POFUT2: variants seen among roughly 807,000 people sequenced by gnomAD.
The protein encoded by POFUT2 is GDP-fucose protein O-fucosyltransferase 2.
In POFUT2, 30 loss-of-function variants were observed where a neutral mutation model predicts 55.0. The observed-to-expected ratio is 0.55, with a 90% confidence interval of 0.41 to 0.74. POFUT2 has a LOEUF of 0.74. POFUT2 is among the 30% of genes least tolerant of loss of function. The pLI, the probability that POFUT2 is intolerant of heterozygous loss-of-function variation, is 0.00. For synonymous variants in POFUT2, 267 were observed against 231.1 expected (o/e 1.16, Z -1.41); for missense variants, 524 against 562.6 (o/e 0.93, Z 0.69).
rs930693090 is a variant in POFUT2, at chr21:45,277,303, G to T, written c.706-161C>A. 8 of 897,956 alleles carry T rather than the reference G, an allele frequency of 8.9e-6. No individual in the cohort carries two copies. Among genetic ancestry groups the T allele is most frequent in the African/African-American group, 1.7e-5 (1 of 59,622 alleles). 55.6% of individuals were successfully genotyped at this position (897,956 alleles called of 1,614,324 possible). On this transcript the variant is annotated intron_variant, in intron 5 of 8. Transcript: ENST00000349485. The surrounding 1 kb of genome is among the most constrained non-coding windows in gnomAD (Gnocchi z 6.9). ...CTGAGAAGCAGCGCCATCCACGGTGGAGGCTCTTGGAGGGTCTCCTGCATG... is the reference window on the plus strand; with the variant it reads ...CTGAGAAGCAGCGCCATCCACGGTGTAGGCTCTTGGAGGGTCTCCTGCATG...
chr21:45,274,543 C>T (rs930032029), intron 6 of POFUT2, among the ~76,000 whole-genome samples: 4 of 152,126 alleles, frequency 2.6e-5, no homozygotes, highest in African/African-American at 9.7e-5. Context: ...TGGAAGTACA[C>T]AATACTCAAC....
At position 45,265,341 on chromosome 21, in the gene POFUT2, G is replaced by GCCTCTTCTGGGCCTGGGA. The variant is rs2093143569; in HGVS notation, c.*123_*140dup. 5.9e-6 allele frequency: 4 copies of GCCTCTTCTGGGCCTGGGA among 674,448 alleles called. No individual in the cohort carries two copies. The South Asian group carries it at 8.6e-5, about 15-fold the overall frequency. 41.8% of individuals were successfully genotyped at this position (674,448 alleles called of 1,614,324 possible). A position where few individuals can be genotyped will look rare whatever the true frequency, so the allele number is the denominator to read the frequency against. On this transcript the variant is annotated 3_prime_UTR_variant, in exon 9 of 9. Transcript: ENST00000349485. The surrounding 1 kb of genome is among the most constrained non-coding windows in gnomAD (Gnocchi z 4.6). ...CGGAGCCCAGCTCTAGAGGCGTGGG[G>GCCTCTTCTGGGCCTGGGA]CCTCTTCTGGGCCTGGGACCCTGCG...
rs1329294415 is a variant in POFUT2 at position 45,285,683 on chromosome 21, A to T, written c.377T>A (p.Ile126Asn). Residue 126 changes from isoleucine (I) to asparagine (N), a missense_variant, in exon 2 of 9, where the codon ATC (isoleucine) becomes AAC (asparagine). Coordinates refer to ENST00000349485, the MANE Select transcript of POFUT2 (RefSeq NM_133635.6). The surrounding 1 kb of genome is among the most constrained non-coding windows in gnomAD (Gnocchi z 4.9). ...AGCGTGCCGCTCGGCCTCACCTGCGATGAACTGCTCATACTCGATGACGGG... is the reference window on the plus strand; with the variant it reads ...AGCGTGCCGCTCGGCCTCACCTGCGTTGAACTGCTCATACTCGATGACGGG... ...NIPVIEYEQF[I>N]AESGGPFIDQ... The T allele has an allele frequency of 6.2e-7, 1 of 1,613,712 alleles. No individual in the cohort carries two copies. Among genetic ancestry groups the T allele is most frequent in the African/African-American group, 1.3e-5 (1 of 75,044 alleles).
intron 1 of POFUT2, among the ~76,000 whole-genome samples, chr21:45,287,032 C>G (rs1030606281): frequency 6.6e-6 from 1 of 152,134 alleles, no homozygotes; most frequent in African/African-American, 2.4e-5. Flanking sequence ...CCTGAGCAAC[C>G]CGGCCCCCTT....
At position 45,287,758 on chromosome 21, in the gene POFUT2, C is replaced by T. The variant is rs2031640529; in HGVS notation, c.114G>A (p.Gly38=). The T allele has an allele frequency of 2.7e-6, 4 of 1,494,328 alleles. No individual in the cohort carries two copies. The highest frequency in any genetic ancestry group is 2.6e-5 in the South Asian group (2 of 78,384). 92.6% of individuals were successfully genotyped at this position (1,494,328 alleles called of 1,614,324 possible). A position where few individuals can be genotyped will look rare whatever the true frequency, so the allele number is the denominator to read the frequency against. The part of the protein sequence containing the change: ...PGQSAADILS[G]AASRRRYLLY... ...GCGTTTACCGTCTGCGGGAAGCCGC[C>T]CCCGACAGAATATCGGCCGCCGATT... Residue 38 remains glycine, a synonymous_variant, in exon 1 of 9, where the codon GGG becomes GGA. Transcript: ENST00000349485.
chr21:45,268,141 G>T (rs938725636), intron 7 of POFUT2, among the ~76,000 whole-genome samples: 5 of 152,110 alleles, frequency 3.3e-5, no homozygotes, highest in Non-Finnish European at 7.4e-5. Flanking sequence ...TTGCAGGCAC[G>T]CGCCACCACG....
At chr21:45,274,582 C>A (rs1054023333) in intron 6 of POFUT2, among the ~76,000 whole-genome samples, 5 of 152,156 alleles carry the variant, frequency 3.3e-5, no homozygotes, top group African/African-American at 1.2e-4. Flanking sequence ...GCTATAGTTA[C>A]CAAAACAGCA....
At position 45,285,657 on chromosome 21, in the gene POFUT2, C is replaced by T; in HGVS notation, c.382+21G>A. On this transcript the variant is annotated intron_variant, in intron 2 of 8. Transcript: ENST00000349485. This position sits in a 1 kb window ranked among gnomAD's most constrained non-coding sequence, Gnocchi z 4.9. ...CCCCAGTTAAGCAACCACGGCCTCC[C>T]AGCGTGCCGCTCGGCCTCACCTGCG... The T allele has an allele frequency of 6.2e-7, 1 of 1,613,284 alleles. No homozygotes were observed. The highest frequency in any genetic ancestry group is 8.5e-7 in the Non-Finnish European group (1 of 1,179,980).
intron 3 of POFUT2, 176 bp downstream of exon 3, chr21:45,283,207 A>C: frequency 2.9e-6 from 1 of 350,188 alleles, no homozygotes; most frequent in Non-Finnish European, 5.2e-6. Context: ...GGCCGGGGGG[A>C]GTGGGGGGTG....
intron 2 of POFUT2, among the ~76,000 whole-genome samples, chr21:45,283,754 G>A (rs779657083): frequency 2.0e-5 from 3 of 152,158 alleles, no homozygotes; most frequent in African/African-American, 4.8e-5. Flanking sequence ...GCTGGTACCC[G>A]ATTCCCCGGC....
intron 3 of POFUT2, 65 bp downstream of exon 3, chr21:45,283,318 G>GA: frequency 1.2e-6 from 1 of 834,836 alleles, no homozygotes; most frequent in South Asian, 1.8e-5. Context: ...CGGGGGGGGG[G>GA]GGACGCATGC....
Position 45,285,898 on chromosome 21 carries a change from T to C in POFUT2, c.162A>G (p.Glu54=). The change falls in exon 2 of 9, where the codon GAA becomes GAG. Residue 54 remains glutamate (E), a synonymous_variant. Coordinates refer to ENST00000349485, the MANE Select transcript of POFUT2 (RefSeq NM_133635.6). The surrounding 1 kb of genome is among the most constrained non-coding windows in gnomAD (Gnocchi z 4.9). ...RYLLYDVNPP[E]GFNLRRDVYI... ...AGACATCCCTGCGCAGGTTGAAGCC[T>C]TCCGGGGGGTTGACGTCATACAGAA... 1 of 1,611,066 alleles carries C rather than the reference T, an allele frequency of 6.2e-7. No homozygotes were observed. Among genetic ancestry groups the C allele is most frequent in the South Asian group, 1.1e-5 (1 of 91,060 alleles).
At chr21:45,279,570 C>T (rs1023797848) in intron 4 of POFUT2, among the ~76,000 whole-genome samples, 1 of 152,218 alleles carries the variant, frequency 6.6e-6, no homozygotes, top group Non-Finnish European at 1.5e-5. Context: ...CATTTTGCTA[C>T]TGGATCCACA....
chr21:45,280,409 G>A (rs555793858), intron 4 of POFUT2, among the ~76,000 whole-genome samples: 2 of 152,318 alleles, frequency 1.3e-5, no homozygotes, highest in Admixed American at 6.5e-5. Flanking sequence ...AGGGGTGCAC[G>A]TGTTTTCCTG....
Position 45,282,551 on chromosome 21 carries a change from C to T in POFUT2, c.528-92G>A, listed in dbSNP as rs538495356. The T allele has an allele frequency of 1.6e-5, 12 of 753,794 alleles. No individual in the cohort carries two copies. The highest frequency in any genetic ancestry group is 4.5e-4 in the Middle Eastern group (2 of 4,440). The allele number at this position is 753,794 out of a possible 1,614,324, so 46.7% of individuals were successfully genotyped here. ...CTAGACACGCACACACTGTGGCTTG[C>T]TCCTGATGAAACGCGGCTGCTTTAG... On this transcript the variant is annotated intron_variant, in intron 3 of 8. Coordinates refer to ENST00000349485, the MANE Select transcript of POFUT2 (RefSeq NM_133635.6). The surrounding 1 kb of genome is among the most constrained non-coding windows in gnomAD (Gnocchi z 4.6).
At chr21:45,279,252 C>T (rs746450717) in intron 4 of POFUT2, among the ~76,000 whole-genome samples, 8 of 151,924 alleles carry the variant, frequency 5.3e-5, no homozygotes, top group African/African-American at 9.7e-5. Flanking sequence ...ATTAGCCGGG[C>T]GCGGTGGTGC....
intron 8 of POFUT2, chr21:45,266,187 C>T (rs770936034): frequency 7.3e-7 from 1 of 1,367,452 alleles, no homozygotes; most frequent in Non-Finnish European, 9.8e-7. Context: ...CCTCCGGCTC[C>T]TGCGCAGCTG....
chr21:45,286,208 G>C (rs1056970922), intron 1 of POFUT2, among the ~76,000 whole-genome samples: 5 of 152,162 alleles, frequency 3.3e-5, no homozygotes, highest in Non-Finnish European at 5.9e-5. Flanking sequence ...GTACCCACAT[G>C]GTTCTCAAAC....
In POFUT2 at chr21:45,267,293, G is replaced by T; in HGVS notation, c.1136+297C>A. The stretch of plus-strand genomic sequence containing the variant: ...CAGGGGGCAGACAGGGGCAGAAACC[G>T]GGAATGATGGGAAAATGCGACACAA... On this transcript the variant is annotated intron_variant, in intron 8 of 8. Coordinates refer to ENST00000349485, the MANE Select transcript of POFUT2 (RefSeq NM_133635.6). This position sits in a 1 kb window ranked among gnomAD's most constrained non-coding sequence, Gnocchi z 4.4. 6.9e-7 allele frequency: 1 copy of T among 1,454,110 alleles called. No individual in the cohort carries two copies. The highest frequency in any genetic ancestry group is 2.5e-5 in the East Asian group (1 of 40,660). 90.1% of individuals were successfully genotyped at this position (1,454,110 alleles called of 1,614,324 possible). A position where few individuals can be genotyped will look rare whatever the true frequency, so the allele number is the denominator to read the frequency against.
Sources: allele counts gnomAD v4.1 joint callset (sites outside exome capture counted in the v4.1 genomes callset), GRCh38; gene constraint gnomAD v4.1.1; non-coding constraint Gnocchi (gnomAD v3.1); transcripts MANE v1.5; gene names NCBI Gene and HGNC (gene_info 2026-07-23, HGNC 2026-07-21).